Variants in MME observed in about 807,000 individuals in gnomAD.
MME encodes neprilysin.
Under a neutral mutation model 113.2 loss-of-function variants are expected in MME, and 98 were observed. That is an observed-to-expected ratio of 0.87 (90% CI 0.74 to 1.02). The LOEUF (loss-of-function observed/expected upper bound fraction) is 1.02, where lower values mean the gene tolerates loss of function less well. Among genes scored for constraint, MME ranks in the 50% least tolerant of loss-of-function variants. The pLI is 0.00. For missense variants in MME, 836 were observed against 896.0 expected, an observed-to-expected ratio of 0.93 and a Z score of 0.86; for synonymous variants, 292 against 300.6, an observed-to-expected ratio of 0.97 and a Z score of 0.30.
At chr3:155,031,879 G>A (rs918088121) in intron 1 of MME, among the ~76,000 whole-genome samples, 22 of 152,178 alleles carry the variant, frequency 1.4e-4, no homozygotes, top group Admixed American at 3.9e-4. Context: ...GGCCGGTCTC[G>A]AATTCCTGAC....
At chr3:155,092,523 C>T (rs572754176) in intron 3 of MME, among the ~76,000 whole-genome samples, 2 of 152,272 alleles carry the variant, frequency 1.3e-5, no homozygotes, top group Non-Finnish European at 2.9e-5. Context: ...TAAATGAAAA[C>T]ACATATCCTC....
At chr3:155,043,064 TTA>T (rs1249395115) in intron 1 of MME, among the ~76,000 whole-genome samples, 5 of 149,050 alleles carry the variant, frequency 3.4e-5, no homozygotes, top group Admixed American at 3.3e-4. Context: ...AAAATTATGC[TTA>T]GAGTCTTTTT....
chr3:155,124,737 C>G (rs1234484856), intron 8 of MME, among the ~76,000 whole-genome samples: 3 of 151,590 alleles, frequency 2.0e-5, no homozygotes, highest in African/African-American at 7.3e-5. Context: ...GCTCGGGGGT[C>G]AGGGGTCAGG....
intron 1 of MME, among the ~76,000 whole-genome samples, chr3:155,062,910 C>A (rs1714198473): frequency 6.6e-6 from 1 of 150,736 alleles, no homozygotes; most frequent in Admixed American, 6.6e-5. Context: ...GTGGCACATG[C>A]CTGTAATCCC....
intron 8 of MME, among the ~76,000 whole-genome samples, chr3:155,126,485 CA>C (rs1241072446): frequency 2.0e-5 from 3 of 151,828 alleles, no homozygotes; most frequent in Non-Finnish European, 4.4e-5. Flanking sequence ...AAACAGGTCA[CA>C]AACTGGCAGT....
At chr3:155,117,598 T>G (rs1171451038) in intron 7 of MME, among the ~76,000 whole-genome samples, 33 of 101,814 alleles carry the variant, frequency 3.2e-4, no homozygotes, top group South Asian at 1.3e-3. Flanking sequence ...TTTTTTTTTT[T>G]GTTTTTTTTT....
intron 16 of MME, among the ~76,000 whole-genome samples, chr3:155,148,962 C>T (rs1721726737): frequency 6.6e-6 from 1 of 152,090 alleles, no homozygotes; most frequent in African/African-American, 2.4e-5. Flanking sequence ...CTTAAGTAAG[C>T]CAATTCATAG....
chr3:155,110,108 G>C (rs1400014390), intron 3 of MME, among the ~76,000 whole-genome samples: 1 of 152,234 alleles, frequency 6.6e-6, no homozygotes, highest in Non-Finnish European at 1.5e-5. Context: ...TGGCAGGAAA[G>C]AGAGTAAGTA....
At chr3:155,138,294 C>G in intron 9 of MME, 58 bp downstream of exon 9, 1 of 1,545,662 alleles carries the variant, frequency 6.5e-7, no homozygotes. Context: ...TTTTTCTTTC[C>G]CCTCTCTATC....
chr3:155,077,021 C>A (rs953102233), upstream of MME, among the ~76,000 whole-genome samples: 3 of 152,078 alleles, frequency 2.0e-5, no homozygotes, highest in Admixed American at 1.3e-4. Flanking sequence ...TTGTGCCAAC[C>A]GACCTCCTAC....
intron 8 of MME, among the ~76,000 whole-genome samples, chr3:155,129,357 C>T (rs993729563): frequency 6.6e-6 from 1 of 152,092 alleles, no homozygotes; most frequent in East Asian, 1.9e-4. Context: ...TCCTTCCTTC[C>T]AGGATATCCA....
At chr3:155,148,159 T>C (rs541942541) in intron 15 of MME, among the ~76,000 whole-genome samples, 1 of 152,240 alleles carries the variant, frequency 6.6e-6, no homozygotes, top group African/African-American at 2.4e-5. Flanking sequence ...TAATATTAGA[T>C]TCTATTAGTA....
At chr3:155,089,804 C>T in intron 3 of MME, 1 of 448,226 alleles carries the variant, frequency 2.2e-6, no homozygotes, top group Non-Finnish European at 4.5e-6. Flanking sequence ...ATGGTGAAAC[C>T]CCATCTCTGC....
At chr3:155,072,646 G>A (rs1436899192) in intron 1 of MME, among the ~76,000 whole-genome samples, 2 of 152,152 alleles carry the variant, frequency 1.3e-5, no homozygotes, top group Non-Finnish European at 2.9e-5. Context: ...TTTTATGAAT[G>A]TATTACAGTT....
intron 3 of MME, among the ~76,000 whole-genome samples, chr3:155,093,091 TC>T (rs1221055874): frequency 6.6e-6 from 1 of 151,942 alleles, no homozygotes; most frequent in Non-Finnish European, 1.5e-5. Context: ...CTTCATTCTT[TC>T]CCCCATCTCT....
At chr3:155,137,423 A>G (rs1720716920) in intron 8 of MME, among the ~76,000 whole-genome samples, 1 of 152,166 alleles carries the variant, frequency 6.6e-6, no homozygotes, top group African/African-American at 2.4e-5. Context: ...ATGTATTATT[A>G]TGGCTGAGCA....
chr3:155,176,892 G>A (rs1044236730), intron 22 of MME, among the ~76,000 whole-genome samples: 1 of 152,118 alleles, frequency 6.6e-6, no homozygotes, highest in Non-Finnish European at 1.5e-5. Flanking sequence ...AAGAAAGTAA[G>A]TGAAGCCCTA....
chr3:155,044,510 C>G (rs1052387911), intron 1 of MME, among the ~76,000 whole-genome samples: 3 of 151,810 alleles, frequency 2.0e-5, no homozygotes, highest in African/African-American at 7.3e-5. Flanking sequence ...ATTATTATTG[C>G]TTTTTTAAAT....
At chr3:155,135,918 G>A (rs191233195) in intron 8 of MME, among the ~76,000 whole-genome samples, 1 of 152,186 alleles carries the variant, frequency 6.6e-6, no homozygotes, top group Non-Finnish European at 1.5e-5. Context: ...AAATGAGATT[G>A]TGTTCTTGAT....
Sources: gnomAD v4.1 joint callset for allele counts (sites outside exome capture counted in the v4.1 genomes callset) on GRCh38, gnomAD v4.1.1 for gene constraint, MANE v1.5 for transcripts, NCBI Gene and HGNC (gene_info 2026-07-23, HGNC 2026-07-21) for gene names.